The following ADAMTSL1 variants were observed in gnomAD, a reference collection of about 807,000 sequenced individuals.
ADAMTSL1 encodes the protein ADAMTS like 1.
Under a neutral mutation model 201.8 loss-of-function variants are expected in ADAMTSL1, and 126 were observed. The observed-to-expected ratio is 0.62, with a 90% CI of 0.54 to 0.72. The LOEUF (loss-of-function observed/expected upper bound fraction) is 0.72, where lower values mean the gene tolerates loss of function less well. Among genes scored for constraint, ADAMTSL1 ranks in the 30% least tolerant of loss-of-function variants. ADAMTSL1 has a pLI of 0.00. For missense variants in ADAMTSL1, 2,679 were observed against 2,277.8 expected (o/e 1.18, Z -3.59); for synonymous variants, 1,121 against 903.4 (o/e 1.24, Z -4.32).
At chr9:18,216,990 A>G (rs1393599208) in intron 2 of ADAMTSL1, among the ~76,000 whole-genome samples, 7 of 151,894 alleles carry the variant, frequency 4.6e-5, no homozygotes, top group Admixed American at 4.6e-4. Flanking sequence ...GATTGTTGGG[A>G]GTTGAGATAG....
chr9:18,527,424 C>G (rs1819151567), intron 2 of ADAMTSL1, among the ~76,000 whole-genome samples: 1 of 152,010 alleles, frequency 6.6e-6, no homozygotes, highest in South Asian at 2.1e-4. Context: ...GGATCTATTG[C>G]TTAGTGAAGA....
intron 2 of ADAMTSL1, among the ~76,000 whole-genome samples, chr9:18,271,732 T>A (rs1455390311): frequency 1.3e-5 from 2 of 152,264 alleles, no homozygotes; most frequent in East Asian, 3.9e-4. Context: ...CTAGTTCCAG[T>A]TCCCTGAGGG....
intron 2 of ADAMTSL1, among the ~76,000 whole-genome samples, chr9:18,532,415 G>A (rs1028190957): frequency 6.6e-5 from 10 of 151,910 alleles, no homozygotes; most frequent in African/African-American, 2.4e-4. Flanking sequence ...GCACAAAGAT[G>A]GTTTACCATA....
intron 1 of ADAMTSL1, among the ~76,000 whole-genome samples, chr9:17,930,181 A>G (rs1826719904): frequency 6.6e-6 from 1 of 152,146 alleles, no homozygotes; most frequent in South Asian, 2.1e-4. Context: ...GCAGGGCTGA[A>G]GTGGGGGTAG....
chr9:18,073,218 C>G (rs1420624526), intron 1 of ADAMTSL1, among the ~76,000 whole-genome samples: 9 of 152,140 alleles, frequency 5.9e-5, no homozygotes, highest in Non-Finnish European at 2.9e-5. Flanking sequence ...GAGTAACCCC[C>G]AAAGTGCATG....
At chr9:18,017,211 T>G (rs1490604368) in intron 1 of ADAMTSL1, among the ~76,000 whole-genome samples, 2 of 152,036 alleles carry the variant, frequency 1.3e-5, no homozygotes, top group East Asian at 3.9e-4. Flanking sequence ...CTTTGCAAAG[T>G]TAAAAGCCCT....
At chr9:18,801,201 T>C (rs1411830113) in intron 20 of ADAMTSL1, among the ~76,000 whole-genome samples, 1 of 152,202 alleles carries the variant, frequency 6.6e-6, no homozygotes. Flanking sequence ...AGGCAATTAA[T>C]TAGTAGTCAC....
chr9:18,065,058 G>A (rs1392666880), intron 1 of ADAMTSL1, among the ~76,000 whole-genome samples: 3 of 139,892 alleles, frequency 2.1e-5, no homozygotes, highest in South Asian at 2.3e-4. Flanking sequence ...AAATATGTTC[G>A]AAGCAATTCA....
chr9:18,065,500 C>T (rs368200074), intron 1 of ADAMTSL1, among the ~76,000 whole-genome samples: 2 of 152,116 alleles, frequency 1.3e-5, no homozygotes, highest in African/African-American at 4.8e-5. Flanking sequence ...ATTCAGTTAA[C>T]TTAAAAGTGA....
chr9:18,906,030 G>A, intron 27 of ADAMTSL1, 139 bp downstream of exon 27: 1 of 726,052 alleles, frequency 1.4e-6, no homozygotes, highest in South Asian at 1.8e-5. Flanking sequence ...TTCACCGCAA[G>A]CCACTGGCCT....
At position 18,763,302 on chromosome 9, in the gene ADAMTSL1, TC is replaced by T. The variant is rs1316598493; in HGVS notation, c.2218-7299del. ...CATATACCTGTTTGCCATTGTGTCTTCTTTTGAGAGATGTCTAGTCAGATCT... is the reference window on the plus strand; with the variant it reads ...CATATACCTGTTTGCCATTGTGTCTTTTTTGAGAGATGTCTAGTCAGATCT... On this transcript the variant is annotated intron_variant, in intron 16 of 28. Coordinates refer to ENST00000380548, the MANE Select transcript of ADAMTSL1 (RefSeq NM_001040272.6). 1.4e-4 allele frequency among the ~76,000 whole-genome samples: 21 copies of T among 152,350 alleles called. 1 individual carries two copies. The highest frequency in any genetic ancestry group is 1.4e-3 in the Admixed American group (21 of 15,304).
At chr9:18,378,612 C>T (rs1413613939) in intron 2 of ADAMTSL1, among the ~76,000 whole-genome samples, 1 of 152,184 alleles carries the variant, frequency 6.6e-6, no homozygotes. Flanking sequence ...TCACCCTCTT[C>T]AGAACAAGCC....
At chr9:18,397,049 A>G (rs992571768) in intron 2 of ADAMTSL1, among the ~76,000 whole-genome samples, 3 of 145,854 alleles carry the variant, frequency 2.1e-5, no homozygotes, top group African/African-American at 8.5e-5. Flanking sequence ...TGCTATTCAC[A>G]GTGATCCTGG....
chr9:18,398,887 G>A (rs1290806797), intron 2 of ADAMTSL1, among the ~76,000 whole-genome samples: 1 of 152,108 alleles, frequency 6.6e-6, no homozygotes, highest in Non-Finnish European at 1.5e-5. Context: ...GAGGCATTGT[G>A]TTAGATGTCA....
chr9:18,742,891 G>A (rs1326805355), intron 15 of ADAMTSL1, among the ~76,000 whole-genome samples: 1 of 152,166 alleles, frequency 6.6e-6, no homozygotes, highest in Non-Finnish European at 1.5e-5. Flanking sequence ...CATTCATGAT[G>A]CGAGTAATTT....
intron 28 of ADAMTSL1, 143 bp from the exon 29 acceptor site, chr9:18,908,299 C>A: frequency 1.4e-6 from 1 of 702,922 alleles, no homozygotes; most frequent in Non-Finnish European, 2.5e-6. Context: ...CAAAGTTAGG[C>A]TGGAGAGCGG....
chr9:18,482,078 A>G (rs1345441575), intron 1 of ADAMTSL1, among the ~76,000 whole-genome samples: 1 of 152,256 alleles, frequency 6.6e-6, no homozygotes, highest in Non-Finnish European at 1.5e-5. Flanking sequence ...CATCCTCATT[A>G]GAATTATACC....
intron 15 of ADAMTSL1, among the ~76,000 whole-genome samples, chr9:18,737,526 C>A (rs1190875642): frequency 2.0e-5 from 3 of 152,040 alleles, no homozygotes; most frequent in Admixed American, 2.0e-4. Context: ...TCATCACTTC[C>A]CAATAGGCTT....
intron 4 of ADAMTSL1, among the ~76,000 whole-genome samples, chr9:18,615,493 C>T (rs776356334): frequency 6.6e-6 from 1 of 152,114 alleles, no homozygotes; most frequent in Admixed American, 6.6e-5. Flanking sequence ...TTGTTATTAC[C>T]ACTCACTATT....
Sources: gnomAD v4.1 joint callset for allele counts (sites outside exome capture counted in the v4.1 genomes callset) on GRCh38, gnomAD v4.1.1 for gene constraint, MANE v1.5 for transcripts, NCBI Gene and HGNC (gene_info 2026-07-23, HGNC 2026-07-21) for gene names.